PCDH15: variants seen among roughly 807,000 people sequenced by gnomAD.
The protein encoded by PCDH15 is protocadherin-15.
A neutral mutation model predicts 178.5 loss-of-function variants in PCDH15; 129 were observed. The ratio of observed to expected loss-of-function variants is 0.72; its 90% CI spans 0.63 to 0.84. The LOEUF is 0.84. Ranked by LOEUF, PCDH15 falls within the 40% of genes least tolerant of loss-of-function variation. The pLI is 0.00. For missense variants in PCDH15, 2,230 were observed against 2,099.9 expected (o/e 1.06, Z -1.21); for synonymous variants, 800 against 732.0 (o/e 1.09, Z -1.50).
chr10:54,238,693 A>T (rs1227783190), intron 8 of PCDH15, among the ~76,000 whole-genome samples: 2 of 151,180 alleles, frequency 1.3e-5, no homozygotes, highest in Non-Finnish European at 3.0e-5. Flanking sequence ...ACACACACAC[A>T]CACACACACA....
At chr10:55,332,195 A>G (rs1416097706) in intron 2 of PCDH15, among the ~76,000 whole-genome samples, 1 of 152,114 alleles carries the variant, frequency 6.6e-6, no homozygotes, top group Non-Finnish European at 1.5e-5. Context: ...ATAAAATAGC[A>G]AAAGGTGATA....
chr10:54,160,809 AAATT>A (rs1446719119), intron 13 of PCDH15, among the ~76,000 whole-genome samples: 1 of 152,166 alleles, frequency 6.6e-6, no homozygotes, highest in Non-Finnish European at 1.5e-5. Context: ...GAAGTATCTC[AAATT>A]AATTTGTCAT....
intron 2 of PCDH15, among the ~76,000 whole-genome samples, chr10:54,911,684 G>T (rs1036735722): frequency 1.3e-5 from 2 of 152,288 alleles, no homozygotes; most frequent in African/African-American, 2.4e-5. Flanking sequence ...AAAGTGACTG[G>T]ATCTTGGGGT....
intron 18 of PCDH15, among the ~76,000 whole-genome samples, chr10:54,027,922 A>G (rs1438636288): frequency 6.6e-6 from 1 of 150,822 alleles, no homozygotes; most frequent in Admixed American, 6.6e-5. Flanking sequence ...AATGGCAACA[A>G]AAGACAAAAT....
chr10:54,939,795 G>A (rs893025659), intron 2 of PCDH15, among the ~76,000 whole-genome samples: 3 of 152,050 alleles, frequency 2.0e-5, no homozygotes, highest in Non-Finnish European at 4.4e-5. Flanking sequence ...ATGCCTTTTT[G>A]TTGTGTCCTC....
At chr10:54,172,829 T>A (rs1325408854) in intron 13 of PCDH15, among the ~76,000 whole-genome samples, 1 of 152,150 alleles carries the variant, frequency 6.6e-6, no homozygotes, top group Non-Finnish European at 1.5e-5. Flanking sequence ...CACCTAAGCA[T>A]TAATTATTGA....
At chr10:55,586,242 T>C (rs143843250) in intron 2 of PCDH15, among the ~76,000 whole-genome samples, 1 of 152,202 alleles carries the variant, frequency 6.6e-6, no homozygotes, top group Non-Finnish European at 1.5e-5. Flanking sequence ...AAGCTGGTTT[T>C]TAAACTCTCA....
At chr10:53,815,892 ATC>A (rs1275192146) in intron 35 of PCDH15, among the ~76,000 whole-genome samples, 4 of 152,146 alleles carry the variant, frequency 2.6e-5, no homozygotes, top group African/African-American at 9.6e-5. Flanking sequence ...CATAATCTAA[ATC>A]TGATGTCAGG....
chr10:54,490,407 G>GC (rs1330211641), intron 3 of PCDH15, among the ~76,000 whole-genome samples: 19 of 152,012 alleles, frequency 1.2e-4, no homozygotes, highest in African/African-American at 3.9e-4. Context: ...CTGAGATCAC[G>GC]CCACTGCACT....
At chr10:54,365,772 G>A (rs977063156) in intron 5 of PCDH15, among the ~76,000 whole-genome samples, 3 of 152,082 alleles carry the variant, frequency 2.0e-5, no homozygotes, top group Non-Finnish European at 4.4e-5. Flanking sequence ...CACTTAAAGA[G>A]AGAAAACTAC....
At chr10:55,436,410 T>C (rs951117197) in intron 2 of PCDH15, among the ~76,000 whole-genome samples, 1 of 152,194 alleles carries the variant, frequency 6.6e-6, no homozygotes, top group East Asian at 1.9e-4. Context: ...AATGCTGTAT[T>C]ATAAACATTT....
intron 3 of PCDH15, among the ~76,000 whole-genome samples, chr10:54,496,859 C>G (rs962329591): frequency 6.6e-6 from 1 of 152,128 alleles, no homozygotes; most frequent in Non-Finnish European, 1.5e-5. Context: ...AGCTTACGAC[C>G]ACCCTTGTTG....
chr10:55,519,948 A>G (rs1462457242), intron 2 of PCDH15, among the ~76,000 whole-genome samples: 1 of 150,462 alleles, frequency 6.6e-6, no homozygotes, highest in Non-Finnish European at 1.5e-5. Flanking sequence ...TCTTGAATCA[A>G]GTCAGTAACG....
chr10:54,645,409 T>C (rs750328170), intron 2 of PCDH15, among the ~76,000 whole-genome samples: 3 of 151,718 alleles, frequency 2.0e-5, no homozygotes, highest in Non-Finnish European at 4.4e-5. Flanking sequence ...GGAGATAGAA[T>C]AACACCCACA....
chr10:55,030,075 A>C (rs1840571665), intron 2 of PCDH15, among the ~76,000 whole-genome samples: 1 of 152,170 alleles, frequency 6.6e-6, no homozygotes, highest in Non-Finnish European at 1.5e-5. Context: ...GTCTTACACA[A>C]GTTAGGCTGA....
At chr10:54,430,246 G>A (rs916111929) in intron 3 of PCDH15, among the ~76,000 whole-genome samples, 19 of 151,764 alleles carry the variant, frequency 1.3e-4, no homozygotes, top group South Asian at 6.3e-4. Flanking sequence ...AGTAGAGACC[G>A]GGTTTCACCA....
intron 21 of PCDH15, among the ~76,000 whole-genome samples, chr10:53,966,589 T>C (rs940109912): frequency 2.6e-5 from 4 of 152,126 alleles, no homozygotes; most frequent in Non-Finnish European, 4.4e-5. Context: ...TCAAATTCAT[T>C]GTTTTAAGAA....
intron 3 of PCDH15, among the ~76,000 whole-genome samples, chr10:54,499,933 C>T (rs1455732272): frequency 6.6e-6 from 1 of 152,108 alleles, no homozygotes; most frequent in Admixed American, 6.6e-5. Flanking sequence ...ACCCAGAAAT[C>T]CCATTACTGG....
intron 8 of PCDH15, among the ~76,000 whole-genome samples, chr10:54,279,262 A>G (rs1425887552): frequency 6.6e-6 from 1 of 151,636 alleles, no homozygotes; most frequent in Non-Finnish European, 1.5e-5. Context: ...ATCATATAAC[A>G]GGATGTTCTA....
Sources: gnomAD v4.1 joint callset for allele counts (sites outside exome capture counted in the v4.1 genomes callset) on GRCh38, gnomAD v4.1.1 for gene constraint, MANE v1.5 for transcripts, NCBI Gene and HGNC (gene_info 2026-07-23, HGNC 2026-07-21) for gene names.